Variants in SERPINB8 observed in about 807,000 individuals in gnomAD.
SERPINB8 encodes serpin B8.
In SERPINB8, 25 loss-of-function variants were observed where a neutral mutation model predicts 35.3. The observed-to-expected ratio is 0.71, with a 90% CI of 0.52 to 0.99. The LOEUF (loss-of-function observed/expected upper bound fraction) is 0.99. Ranked by LOEUF, SERPINB8 falls within the 50% of genes least tolerant of loss-of-function variation. SERPINB8 has a pLI of 0.00. For missense variants in SERPINB8, 484 were observed against 446.5 expected (o/e 1.08, Z -0.76); for synonymous variants, 186 against 160.8 (o/e 1.16, Z -1.19).
At chr18:63,986,804 T>C (rs561970194) in intron 6 of SERPINB8, 70 bp from the exon 7 acceptor site, 3 of 1,438,200 alleles carry the variant, frequency 2.1e-6, no homozygotes, top group Non-Finnish European at 2.8e-6. Flanking sequence ...GGGGGAGGGG[T>C]AATAAATGGG....
Position 63,983,708 on chromosome 18 carries a change from T to G in SERPINB8, c.554T>G (p.Phe185Cys). Reference protein sequence around the residue: ...FDRKYTRGMLFKTNEEKKTVQ... With the variant: ...FDRKYTRGMLCKTNEEKKTVQ... ...AGAAAGTACACAAGGGGAATGCTCTTTAAAACCAACGAGGTAGGGAAAGAT... is the reference window on the plus strand; with the variant it reads ...AGAAAGTACACAAGGGGAATGCTCTGTAAAACCAACGAGGTAGGGAAAGAT... The change falls in exon 5 of 7, where the codon TTT becomes TGT. Residue 185 changes from phenylalanine to cysteine, a missense_variant. Phe to Cys is a radical substitution (Grantham distance 205). Coordinates refer to ENST00000397985, the MANE Select transcript of SERPINB8 (RefSeq NM_002640.4). 6.2e-7 allele frequency: 1 copy of G among 1,613,658 alleles called. No homozygotes were observed. Among genetic ancestry groups the G allele is most frequent in the Non-Finnish European group, 8.5e-7 (1 of 1,179,586 alleles).
downstream of SERPINB8, among the ~76,000 whole-genome samples, chr18:64,006,242 A>C (rs942999144): frequency 6.6e-6 from 1 of 152,228 alleles, no homozygotes; most frequent in Non-Finnish European, 1.5e-5. Flanking sequence ...AGTCAAGCTG[A>C]GGGAAAGTTA....
At chr18:63,989,936 C>T (rs2050813786), downstream of SERPINB8, among the ~76,000 whole-genome samples, 2 of 78,854 alleles carry the variant, frequency 2.5e-5, no homozygotes, top group Admixed American at 4.2e-4. Context: ...GAGCGAGACT[C>T]TGTCTCAAAA....
At chr18:64,002,812 T>A (rs971153218) in intron 1 of SERPINB8, among the ~76,000 whole-genome samples, 6 of 152,110 alleles carry the variant, frequency 3.9e-5, no homozygotes, top group African/African-American at 1.4e-4. Context: ...CCGCCCTCGG[T>A]GCCGACTCGT....
At chr18:63,992,352 G>C (rs575386697), downstream of SERPINB8, among the ~76,000 whole-genome samples, 1 of 152,230 alleles carries the variant, frequency 6.6e-6, no homozygotes, top group African/African-American at 2.4e-5. Context: ...TGTCTTTCAA[G>C]GAATTTGTTC....
chr18:64,017,129 C>T (rs1201290827), intron 7 of SERPINB8, among the ~76,000 whole-genome samples: 2 of 152,120 alleles, frequency 1.3e-5, no homozygotes, highest in Non-Finnish European at 2.9e-5. Context: ...TGATATTAGG[C>T]TCATCATTTT....
chr18:63,973,305 G>A (rs1322722752), intron 1 of SERPINB8, among the ~76,000 whole-genome samples: 1 of 152,146 alleles, frequency 6.6e-6, no homozygotes, highest in Admixed American at 6.5e-5. Context: ...AGAAGTGTCT[G>A]TTCATATCCA....
chr18:63,991,637 A>G (rs553602823), downstream of SERPINB8, among the ~76,000 whole-genome samples: 53 of 151,770 alleles, frequency 3.5e-4, no homozygotes, highest in Non-Finnish European at 6.5e-4. Context: ...GCTAATAAAG[A>G]CAAAATTTCC....
intron 7 of SERPINB8, among the ~76,000 whole-genome samples, chr18:64,014,517 A>C (rs1483351900): frequency 6.6e-6 from 1 of 152,178 alleles, no homozygotes; most frequent in Non-Finnish European, 1.5e-5. Flanking sequence ...AGACCTCAGA[A>C]GAGAGAGTGT....
intron 1 of SERPINB8, among the ~76,000 whole-genome samples, chr18:63,998,693 C>A (rs1436703430): frequency 6.6e-6 from 1 of 152,180 alleles, no homozygotes; most frequent in Non-Finnish European, 1.5e-5. Flanking sequence ...TTCCCTCCAT[C>A]CTTTTTGAGC....
Position 63,987,241 on chromosome 18 carries a change from A to G in SERPINB8, c.1088A>G (p.Asn363Ser), listed in dbSNP as rs760986937. 72 of 1,613,824 alleles carry G rather than the reference A, an allele frequency of 4.5e-5. No homozygotes were observed. Among genetic ancestry groups the G allele is most frequent in the Non-Finnish European group, 5.5e-5 (65 of 1,179,892 alleles). The change falls in exon 7 of 7, where the codon AAC (asparagine) becomes AGC (serine). Residue 363 changes from asparagine to serine, a missense_variant. Transcript: ENST00000397985. ...TTCTTCATCAGGCACCACAAAACCA[A>G]CTGCATCTTGTTCTGTGGCAGGTTC... ...FLFFIRHHKT[N>S]CILFCGRFSS...
At chr18:64,011,439 TA>T (rs1461534257) in intron 7 of SERPINB8, among the ~76,000 whole-genome samples, 2 of 152,098 alleles carry the variant, frequency 1.3e-5, no homozygotes, top group African/African-American at 2.4e-5. Flanking sequence ...CAGATGAACA[TA>T]AAAAATAGAA....
downstream of SERPINB8, among the ~76,000 whole-genome samples, chr18:64,010,538 C>A (rs2050921446): frequency 6.6e-6 from 1 of 152,110 alleles, no homozygotes; most frequent in Non-Finnish European, 1.5e-5. Flanking sequence ...CATCATCTTG[C>A]TCAGTTCTGG....
At chr18:64,005,072 A>G (rs2050893520) in exon 2 of SERPINB8, 2 of 387,790 alleles carry the variant, frequency 5.2e-6, no homozygotes, top group Non-Finnish European at 9.1e-6. Context: ...ACAAAAGAAG[A>G]CATTCAAATG....
At chr18:63,975,038 A>T (rs1398438252) in intron 1 of SERPINB8, among the ~76,000 whole-genome samples, 1 of 152,096 alleles carries the variant, frequency 6.6e-6, no homozygotes, top group Admixed American at 6.6e-5. Context: ...GATGAGATTG[A>T]TGCAATAGTT....
At chr18:63,986,305 A>G in intron 6 of SERPINB8, 3 of 1,610,132 alleles carry the variant, frequency 1.9e-6, no homozygotes, top group Non-Finnish European at 2.5e-6. Context: ...CAGGACAGGC[A>G]GAGGACAAAC....
At chr18:63,979,367 T>C (rs900790323) in intron 2 of SERPINB8, among the ~76,000 whole-genome samples, 4 of 152,236 alleles carry the variant, frequency 2.6e-5, no homozygotes, top group Non-Finnish European at 5.9e-5. Flanking sequence ...CCCAGTTACT[T>C]ACTTTTTTCT....
chr18:63,996,636 C>A (rs142785039), intron 1 of SERPINB8, among the ~76,000 whole-genome samples: 21 of 152,304 alleles, frequency 1.4e-4, no homozygotes, highest in African/African-American at 4.3e-4. Flanking sequence ...TTGATGACAT[C>A]CTCCTTGTGA....
intron 1 of SERPINB8, among the ~76,000 whole-genome samples, chr18:63,972,176 C>G (rs1175843977): frequency 6.6e-6 from 1 of 152,162 alleles, no homozygotes; most frequent in Non-Finnish European, 1.5e-5. Context: ...ACCCTCCTCC[C>G]TCATCACATC....
Sources: gnomAD v4.1 joint callset for allele counts (sites outside exome capture counted in the v4.1 genomes callset) on GRCh38, gnomAD v4.1.1 for gene constraint, MANE v1.5 for transcripts, NCBI Gene and HGNC (gene_info 2026-07-23, HGNC 2026-07-21) for gene names.